Variants in RAPGEF4 observed in about 807,000 individuals in gnomAD.
RAPGEF4 encodes RAP guanine-nucleotide-exchange factor (GEF) 4.
RAPGEF4 carries 66 observed loss-of-function variants against 147.9 expected under a neutral mutation model. The ratio of observed to expected loss-of-function variants is 0.45; its 90% CI spans 0.37 to 0.55. The LOEUF (loss-of-function observed/expected upper bound fraction) is 0.55. RAPGEF4 is among the 20% of genes least tolerant of loss of function. The pLI is 0.00. For synonymous variants in RAPGEF4, 419 were observed against 442.7 expected (o/e 0.95, Z 0.67); for missense variants, 1,071 against 1,257.3 (o/e 0.85, Z 2.24).
chr2:173,014,449 T>C lies in RAPGEF4; in HGVS notation c.1659-15T>C. The C allele has an allele frequency of 6.2e-7, 1 of 1,613,378 alleles. No homozygotes were observed. The highest frequency in any genetic ancestry group is 8.5e-7 in the Non-Finnish European group (1 of 1,179,666). ...AGTGTGAAATGGCTCAATTTCTTCC[T>C]TGACTCCTCGGCACCTACCACGCAC... On this transcript the variant is annotated splice_polypyrimidine_tract_variant and intron_variant, in intron 17 of 30. Transcript: ENST00000397081.
intron 4 of RAPGEF4, among the ~76,000 whole-genome samples, chr2:172,834,008 T>A (rs1690654448): frequency 2.0e-5 from 3 of 152,174 alleles, no homozygotes; most frequent in Admixed American, 2.0e-4. Flanking sequence ...TAATTCCAAA[T>A]TAGTTAGTTC....
intron 6 of RAPGEF4, among the ~76,000 whole-genome samples, chr2:172,923,456 T>C (rs996527706): frequency 5.3e-5 from 8 of 151,958 alleles, no homozygotes; most frequent in Admixed American, 2.6e-4. Flanking sequence ...TTAGTAGAGA[T>C]GGGGTTTTAC....
At chr2:173,041,658 C>T (rs1488001249) in intron 29 of RAPGEF4, among the ~76,000 whole-genome samples, 1 of 152,218 alleles carries the variant, frequency 6.6e-6, no homozygotes, top group African/African-American at 2.4e-5. Flanking sequence ...AATAAAACCA[C>T]ATTATATGCA....
At chr2:172,939,075 T>A (rs566394038) in intron 6 of RAPGEF4, among the ~76,000 whole-genome samples, 50 of 152,374 alleles carry the variant, frequency 3.3e-4, no homozygotes, top group African/African-American at 1.1e-3. Flanking sequence ...TTGAAGGACA[T>A]CTTGGCTGCT....
At chr2:172,951,854 A>G (rs1180749368) in intron 6 of RAPGEF4, among the ~76,000 whole-genome samples, 1 of 152,122 alleles carries the variant, frequency 6.6e-6, no homozygotes, top group Non-Finnish European at 1.5e-5. Context: ...TTATAGGATC[A>G]TGCGGCTATG....
At chr2:172,986,712 G>C (rs1310793613) in intron 12 of RAPGEF4, among the ~76,000 whole-genome samples, 1 of 84,646 alleles carries the variant, frequency 1.2e-5, no homozygotes, top group Non-Finnish European at 2.4e-5. Flanking sequence ...TTTTTTTTTT[G>C]AGACGGAGTC....
intron 4 of RAPGEF4, chr2:172,894,476 C>T (rs1335906500): frequency 6.6e-6 from 1 of 152,220 alleles, no homozygotes. Context: ...CTCACTGTTA[C>T]ACTTTTCTTT....
intron 1 of RAPGEF4, among the ~76,000 whole-genome samples, chr2:172,741,914 C>A (rs1235795269): frequency 6.6e-6 from 1 of 152,190 alleles, no homozygotes; most frequent in Non-Finnish European, 1.5e-5. Flanking sequence ...CTGAAGTGAT[C>A]TTCCCACCTT....
intron 4 of RAPGEF4, among the ~76,000 whole-genome samples, chr2:172,816,267 T>G (rs1484286193): frequency 6.6e-6 from 1 of 151,932 alleles, no homozygotes; most frequent in African/African-American, 2.4e-5. Context: ...TCTCTCTCTC[T>G]CTCCTCTCTC....
At chr2:172,863,906 A>G (rs963825399) in intron 4 of RAPGEF4, among the ~76,000 whole-genome samples, 1 of 123,448 alleles carries the variant, frequency 8.1e-6, no homozygotes. Flanking sequence ...TAAAGCATAT[A>G]TAAGCAATAT....
intron 4 of RAPGEF4, among the ~76,000 whole-genome samples, chr2:172,911,612 C>A (rs1460353829): frequency 6.6e-6 from 1 of 152,090 alleles, no homozygotes; most frequent in African/African-American, 2.4e-5. Flanking sequence ...GCGTGTACCA[C>A]CACACCCAGC....
At chr2:172,781,080 A>C (rs76628770) in intron 1 of RAPGEF4, among the ~76,000 whole-genome samples, 4,342 of 152,304 alleles carry the variant, frequency 0.029, 235 homozygotes, top group African/African-American at 0.098. Flanking sequence ...GAAACTCAAC[A>C]GTATTTTAGT....
At chr2:172,962,242 G>A (rs1689369630) in intron 8 of RAPGEF4, among the ~76,000 whole-genome samples, 1 of 152,128 alleles carries the variant, frequency 6.6e-6, no homozygotes, top group Non-Finnish European at 1.5e-5. Context: ...AGCAATCAGT[G>A]AGACTCTCTT....
At chr2:172,904,521 A>G (rs1699415823) in intron 4 of RAPGEF4, among the ~76,000 whole-genome samples, 1 of 152,202 alleles carries the variant, frequency 6.6e-6, no homozygotes. Context: ...ACTCAAATAT[A>G]CAAAGTGTGC....
intron 21 of RAPGEF4, among the ~76,000 whole-genome samples, chr2:173,017,802 A>T (rs1454148559): frequency 6.6e-6 from 1 of 152,148 alleles, no homozygotes; most frequent in African/African-American, 2.4e-5. Context: ...CCCCTGGGAA[A>T]AGCTGGTGGG....
intron 1 of RAPGEF4, among the ~76,000 whole-genome samples, chr2:172,758,582 A>C (rs1695999534): frequency 6.6e-6 from 1 of 152,184 alleles, no homozygotes; most frequent in African/African-American, 2.4e-5. Context: ...GATAATGAGA[A>C]GCAGTAGGAT....
At chr2:172,958,147 G>GT (rs573999640) in intron 6 of RAPGEF4, among the ~76,000 whole-genome samples, 73 of 152,280 alleles carry the variant, frequency 4.8e-4, no homozygotes, top group African/African-American at 1.7e-3. Flanking sequence ...AGGAAAGTAG[G>GT]TTTTTCATTG....
chr2:172,749,374 CT>C (rs1416357452), intron 1 of RAPGEF4, among the ~76,000 whole-genome samples: 1 of 152,262 alleles, frequency 6.6e-6, no homozygotes, highest in African/African-American at 2.4e-5. Context: ...TTCTTGACTT[CT>C]GAACACCTGT....
intron 17 of RAPGEF4, among the ~76,000 whole-genome samples, chr2:173,014,197 A>G (rs559555067): frequency 7.2e-5 from 11 of 152,274 alleles, no homozygotes; most frequent in African/African-American, 2.6e-4. Context: ...AGACACAAGA[A>G]TCCTTGTCCA....
Sources: allele counts gnomAD v4.1 joint callset (sites outside exome capture counted in the v4.1 genomes callset), GRCh38; gene constraint gnomAD v4.1.1; transcripts MANE v1.5; gene names NCBI Gene and HGNC (gene_info 2026-07-23, HGNC 2026-07-21).